Variants in FAH observed in about 807,000 individuals in gnomAD.
FAH encodes the protein fumarylacetoacetase.
A neutral mutation model predicts 55.8 loss-of-function variants in FAH; 47 were observed. That is an observed-to-expected ratio of 0.84 (90% CI 0.67 to 1.07). The LOEUF (loss-of-function observed/expected upper bound fraction) is 1.07. Among genes scored for constraint, FAH ranks in the 50% least tolerant of loss-of-function variants. The pLI, the probability that FAH is intolerant of heterozygous loss-of-function variation, is 0.00. For synonymous variants in FAH, 199 were observed against 207.7 expected (o/e 0.96, Z 0.36); for missense variants, 495 against 545.9 (o/e 0.91, Z 0.93).
intron 9 of FAH, 188 bp downstream of exon 9, chr15:80,173,332 C>G: frequency 1.4e-6 from 1 of 737,496 alleles, no homozygotes; most frequent in East Asian, 2.7e-5. Flanking sequence ...GCATCATTCT[C>G]CCTTGTGGTT....
Position 80,160,744 on chromosome 15 carries a change from A to G in FAH, c.364+285A>G, listed in dbSNP as rs189600409. ...ACAGCAAATTGCTTTCCTTCCCCCA[A>G]AGGCTATGGGACAAATTCTCTGAGC... On this transcript the variant is annotated intron_variant, in intron 4 of 13. Transcript: ENST00000561421. Among the ~76,000 whole-genome samples, 99 of 152,232 alleles carry G rather than the reference A, an allele frequency of 6.5e-4. 1 individual carries two copies. The South Asian group carries it at 0.012, about 18-fold the overall frequency.
rs926024991 is a variant in FAH, at chr15:80,169,506, C to CT, written c.606+1196dup. On this transcript the variant is annotated intron_variant, in intron 7 of 13. Coordinates refer to ENST00000561421, the MANE Select transcript of FAH (RefSeq NM_000137.4). Reference sequence around the variant, plus strand: ...AACTGTGGTCACTTTAGGCTGCATACTTTTTTATTTGTTTTTTGTTTTGTT... The same window carrying CT: ...AACTGTGGTCACTTTAGGCTGCATACTTTTTTTATTTGTTTTTTGTTTTGTT... Among the ~76,000 whole-genome samples, 9 of 152,244 alleles carry CT rather than the reference C, an allele frequency of 5.9e-5. No homozygotes were observed. The East Asian group carries it at 1.7e-3, about 29-fold the overall frequency.
chr15:80,158,065 A>T lies in FAH; in HGVS notation c.87A>T (p.Arg29Ser). The change falls in exon 2 of 14, where the codon AGA becomes AGT. Residue 29 changes from arginine (R) to serine (S), a missense_variant. Physicochemically the swap from Arg to Ser is moderately radical, Grantham distance 110. Transcript: ENST00000561421. ...CGGTGTCGTCTTCCTCCTAGCCAAG[A>T]CCGAGGATAGGTGTGGCCATTGGCG... ...YGVFSTRGDP[R>S]PRIGVAIGDQ... The T allele has an allele frequency of 6.2e-7, 1 of 1,612,958 alleles. No individual in the cohort carries two copies. Among genetic ancestry groups the T allele is most frequent in the South Asian group, 1.1e-5 (1 of 91,058 alleles).
At chr15:80,154,220 A>T (rs190125679) in intron 1 of FAH, among the ~76,000 whole-genome samples, 1 of 152,216 alleles carries the variant, frequency 6.6e-6, no homozygotes, top group Non-Finnish European at 1.5e-5. Context: ...CTTTCTGCAG[A>T]CAGAGCCCTC....
At chr15:80,173,214 T>A (rs2041256548) in intron 9 of FAH, 70 bp downstream of exon 9, 2 of 1,602,228 alleles carry the variant, frequency 1.2e-6, no homozygotes, top group Non-Finnish European at 1.7e-6. Context: ...GCCCACTGAG[T>A]GGACATGCCA....
At chr15:80,178,810 G>T (rs780870253) in intron 11 of FAH, among the ~76,000 whole-genome samples, 7 of 151,554 alleles carry the variant, frequency 4.6e-5, no homozygotes, top group Non-Finnish European at 8.8e-5. Flanking sequence ...GGATGGTCTC[G>T]ATCTCCTGAC....
intron 5 of FAH, chr15:80,162,854 C>T (rs990370937): frequency 1.8e-5 from 4 of 222,164 alleles, no homozygotes; most frequent in Non-Finnish European, 3.6e-5. Flanking sequence ...ATCAACTTGC[C>T]TGAGCACAAC....
At chr15:80,173,842 C>T (rs1414407660) in intron 9 of FAH, 1 of 158,854 alleles carries the variant, frequency 6.3e-6, no homozygotes, top group Non-Finnish European at 1.4e-5. Context: ...CACGATGCCC[C>T]TCTCCAATTC....
intron 1 of FAH, chr15:80,156,057 A>G: frequency 6.2e-6 from 2 of 323,134 alleles, no homozygotes; most frequent in South Asian, 5.3e-5. Flanking sequence ...CCAGCCTCCT[A>G]CAGGAAGCTG....
Position 80,180,189 on chromosome 15 carries a change from G to A in FAH, c.1026G>A (p.Pro342=), listed in dbSNP as rs748360797. ...HHSVNGCNLR[P]GDLLASGTIS... ...CTGTCAACGGCTGCAACCTGCGGCC[G>A]GGGGACCTCCTGGCTTCTGGGACCA... Residue 342 remains proline (P), a synonymous_variant, in exon 12 of 14, where the codon CCG becomes CCA. Transcript: ENST00000561421. The A allele has an allele frequency of 3.0e-5, 48 of 1,609,306 alleles. No homozygotes were observed. Among genetic ancestry groups the A allele is most frequent in the Middle Eastern group, 1.7e-4 (1 of 6,060 alleles).
At position 80,175,093 on chromosome 15, in the gene FAH, T is replaced by C; in HGVS notation, c.913+2T>C. 6.2e-7 allele frequency: 1 copy of C among 1,613,654 alleles called. No homozygotes were observed. Among genetic ancestry groups the C allele is most frequent in the South Asian group, 1.1e-5 (1 of 91,074 alleles). On this transcript the variant is annotated splice_donor_variant, in intron 10 of 13. Transcript: ENST00000561421. LOFTEE classifies it high-confidence loss of function. Reference sequence around the variant, plus strand: ...TCAACCTCTCTGTTAACCTGAAAGGTATGTTGTAGGGGGACTGACATGGCC... The same window carrying C: ...TCAACCTCTCTGTTAACCTGAAAGGCATGTTGTAGGGGGACTGACATGGCC...
intron 5 of FAH, among the ~76,000 whole-genome samples, chr15:80,165,511 G>A (rs551631837): frequency 1.1e-4 from 17 of 149,804 alleles, no homozygotes; most frequent in Non-Finnish European, 2.2e-4. Flanking sequence ...CTGGGTGAGA[G>A]AGCGAGACTC....
intron 11 of FAH, among the ~76,000 whole-genome samples, chr15:80,178,745 G>A (rs1003203216): frequency 1.3e-5 from 2 of 151,500 alleles, no homozygotes; most frequent in Admixed American, 6.6e-5. Flanking sequence ...CACCACGCCC[G>A]GCTAATTTTT....
Position 80,155,793 on chromosome 15 carries a change from GC to G in FAH, c.82-2266del, listed in dbSNP as rs368500247. On this transcript the variant is annotated intron_variant, in intron 1 of 13. Transcript: ENST00000561421. ...CAAGTCATGTGATCATGGGACGGGG[GC>G]TCTTCCCTCTAAGGTAGCCGAAGCA... Among the ~76,000 whole-genome samples, 1,020 of 152,268 alleles carry G rather than the reference GC, an allele frequency of 6.7e-3. 8 individuals carry two copies. Among genetic ancestry groups the G allele is most frequent in the African/African-American group, 0.019 (776 of 41,550 alleles).
In FAH at chr15:80,153,146, G is replaced by A. The variant is rs1447261791; in HGVS notation, c.81+11G>A. The stretch of plus-strand genomic sequence containing the variant: ...TCGACCAGAGGCGACGTGAGCAGTG[G>A]GGCTTTGGCGTCCGGGCGCGGGGAG... On this transcript the variant is annotated intron_variant, in intron 1 of 13. Coordinates refer to ENST00000561421, the MANE Select transcript of FAH (RefSeq NM_000137.4). 6.2e-7 allele frequency: 1 copy of A among 1,601,822 alleles called. No homozygotes were observed. The highest frequency in any genetic ancestry group is 8.5e-7 in the Non-Finnish European group (1 of 1,174,200).
In FAH at chr15:80,180,165, T is replaced by G. The variant is rs763757816; in HGVS notation, c.1002T>G (p.Ser334=). ...TGCTGCAGCAGCTCACTCACCACTC[T>G]GTCAACGGCTGCAACCTGCGGCCGG... is the stretch of plus-strand genomic sequence containing the variant. ...WTMLQQLTHH[S]VNGCNLRPGD... is the part of the protein sequence containing the mutation. Residue 334 remains serine, a synonymous_variant, in exon 12 of 14, where the codon TCT becomes TCG. Transcript: ENST00000561421. The G allele has an allele frequency of 6.2e-7, 1 of 1,610,892 alleles. No individual in the cohort carries two copies. The highest frequency in any genetic ancestry group is 8.5e-7 in the Non-Finnish European group (1 of 1,179,924).
In FAH at chr15:80,159,854, A is replaced by G. The variant is rs754226189; in HGVS notation, c.291A>G (p.Arg97=). 6.2e-7 allele frequency: 1 copy of G among 1,614,250 alleles called. No homozygotes were observed. Among genetic ancestry groups the G allele is most frequent in the Non-Finnish European group, 8.5e-7 (1 of 1,180,046 alleles). The change falls in exon 3 of 14, where the codon AGA becomes AGG. Residue 97 remains arginine (R), a synonymous_variant. Transcript: ENST00000561421. ...TGTCTGTGAGCCAAGCCAGGCTCAG[A>G]GATGACACCGAACTTCGGAAGTGGT... ...NLLSVSQARL[R]DDTELRKCAF...
Position 80,186,251 on chromosome 15 carries a change from C to CTTTG in FAH, c.*45_*46insGTTT, listed in dbSNP as rs751787251. 211,174 of 1,533,008 alleles carry CTTTG rather than the reference C, an allele frequency of 0.14. 15,317 individuals carry two copies. Among genetic ancestry groups the CTTTG allele is most frequent in the Admixed American group, 0.15 (8,903 of 59,862 alleles). 95.0% of individuals were successfully genotyped at this position (1,533,008 alleles called of 1,614,324 possible). On this transcript the variant is annotated 3_prime_UTR_variant, in exon 14 of 14. Transcript: ENST00000561421. ...CTGGAAACAAAGGGCTCAAGCACCC[C>CTTTG]TTTCAACCCTGTGACTGGGGTCCTC...
chr15:80,160,497 G>C (rs1383595362), intron 4 of FAH, 38 bp downstream of exon 4: 2 of 1,602,258 alleles, frequency 1.2e-6, no homozygotes, highest in Non-Finnish European at 1.7e-6. Flanking sequence ...GAACGGAGCA[G>C]CTTCGTGGGC....
Sources: allele counts gnomAD v4.1 joint callset (sites outside exome capture counted in the v4.1 genomes callset), GRCh38; gene constraint gnomAD v4.1.1; transcripts MANE v1.5; gene names NCBI Gene and HGNC (gene_info 2026-07-23, HGNC 2026-07-21).